NBAS: variants seen among roughly 807,000 people sequenced by gnomAD.
NBAS encodes the protein NAG/BC035112 fusion.
A neutral mutation model predicts 302.5 loss-of-function variants in NBAS; 219 were observed. That is an observed-to-expected ratio of 0.72 (90% CI 0.65 to 0.81). The LOEUF (loss-of-function observed/expected upper bound fraction) is 0.81. Ranked by LOEUF, NBAS falls within the 30% of genes least tolerant of loss-of-function variation. The pLI is 0.00. For synonymous variants in NBAS, 1,118 were observed against 1,021.6 expected, an observed-to-expected ratio of 1.09 and a Z score of -1.80; for missense variants, 2,932 against 2,841.6, an observed-to-expected ratio of 1.03 and a Z score of -0.72.
intron 28 of NBAS, among the ~76,000 whole-genome samples, chr2:15,383,555 C>T (rs1220687151): frequency 6.6e-6 from 1 of 152,142 alleles, no homozygotes; most frequent in Non-Finnish European, 1.5e-5. Context: ...ACAAAGTGGT[C>T]TGTCATAGCC....
intron 2 of NBAS, among the ~76,000 whole-genome samples, chr2:15,558,285 C>T (rs1008521559): frequency 6.6e-6 from 1 of 152,174 alleles, no homozygotes; most frequent in Non-Finnish European, 1.5e-5. Flanking sequence ...TCCTAACAGA[C>T]CACAGACTGG....
At chr2:15,389,277 T>A (rs1675472163) in intron 28 of NBAS, among the ~76,000 whole-genome samples, 1 of 152,218 alleles carries the variant, frequency 6.6e-6, no homozygotes, top group Non-Finnish European at 1.5e-5. Flanking sequence ...TGGCTCCCTT[T>A]TCTTTCCTTT....
At chr2:15,461,898 C>T (rs1679522405) in intron 19 of NBAS, 107 bp from the exon 20 acceptor site, 1 of 678,838 alleles carries the variant, frequency 1.5e-6, no homozygotes, top group African/African-American at 1.8e-5. Flanking sequence ...ATAAATAAGG[C>T]CTGAATTAAT....
the NBAS span, among the ~76,000 whole-genome samples, chr2:15,110,965 T>C: frequency 1.2e-3 from 181 of 152,246 alleles, 2 homozygotes; most frequent in Non-Finnish European, 2.1e-3. Flanking sequence ...CAATTAATAA[T>C]GCCAGTATTA....
chr2:15,037,503 A>T, the NBAS span, among the ~76,000 whole-genome samples: 1 of 152,262 alleles, frequency 6.6e-6, no homozygotes, highest in African/African-American at 2.4e-5. Context: ...AGGGGTGGAT[A>T]TATTTTATCT....
At chr2:15,345,794 G>T (rs1401141375) in intron 35 of NBAS, among the ~76,000 whole-genome samples, 1 of 152,094 alleles carries the variant, frequency 6.6e-6, no homozygotes, top group Non-Finnish European at 1.5e-5. Context: ...CATGGTCCTG[G>T]TACCAAAACA....
At chr2:14,811,565 G>A in the NBAS span, among the ~76,000 whole-genome samples, 2 of 152,184 alleles carry the variant, frequency 1.3e-5, no homozygotes, top group Non-Finnish European at 2.9e-5. Context: ...TGGCATTTAG[G>A]AGGTAGAGGT....
chr2:15,473,753 T>G (rs1039116340), intron 15 of NBAS, among the ~76,000 whole-genome samples: 1 of 152,116 alleles, frequency 6.6e-6, no homozygotes, highest in Non-Finnish European at 1.5e-5. Context: ...TCCTTCACCC[T>G]CTGTAGATGG....
intron 40 of NBAS, among the ~76,000 whole-genome samples, chr2:15,307,308 G>A (rs78749992): frequency 1.3e-5 from 2 of 152,184 alleles, no homozygotes; most frequent in East Asian, 1.9e-4. Flanking sequence ...TGAAAGGTGG[G>A]ATAGAATTGA....
intron 9 of NBAS, among the ~76,000 whole-genome samples, chr2:15,516,585 T>C (rs1483514784): frequency 6.6e-6 from 1 of 151,956 alleles, no homozygotes; most frequent in Non-Finnish European, 1.5e-5. Flanking sequence ...TATCCAGGTG[T>C]GGTGGCGTGC....
chr2:15,498,716 G>A (rs1250739466), intron 11 of NBAS, among the ~76,000 whole-genome samples: 9 of 151,702 alleles, frequency 5.9e-5, no homozygotes, highest in Non-Finnish European at 1.5e-5. Context: ...AAGATCTGAT[G>A]GTTTAAGTGT....
chr2:14,994,413 C>A, the NBAS span, among the ~76,000 whole-genome samples: 1 of 152,188 alleles, frequency 6.6e-6, no homozygotes, highest in Non-Finnish European at 1.5e-5. Context: ...ACCCTCAAAG[C>A]CCAGCAGGTG....
At chr2:15,079,447 A>G in the NBAS span, among the ~76,000 whole-genome samples, 2 of 152,134 alleles carry the variant, frequency 1.3e-5, no homozygotes, top group Admixed American at 6.5e-5. Context: ...AGCCAAGCAG[A>G]AGCCACCACT....
chr2:15,015,441 G>A, the NBAS span, among the ~76,000 whole-genome samples: 1 of 152,180 alleles, frequency 6.6e-6, no homozygotes, highest in African/African-American at 2.4e-5. Context: ...CATTCATCAT[G>A]ACCAAGTGGG....
At chr2:15,034,027 G>GT in the NBAS span, among the ~76,000 whole-genome samples, 1 of 63,794 alleles carries the variant, frequency 1.6e-5, no homozygotes, top group African/African-American at 1.1e-4. Flanking sequence ...AGAAGAAGAA[G>GT]AGGAGGAGGA....
chr2:15,379,569 T>C (rs1315800997), intron 30 of NBAS, 33 bp downstream of exon 30: 2 of 1,595,358 alleles, frequency 1.3e-6, no homozygotes. Context: ...ACTTTCCCCC[T>C]CCATCTTAGG....
chr2:15,527,570 C>T (rs1320813412), intron 9 of NBAS, among the ~76,000 whole-genome samples: 4 of 152,090 alleles, frequency 2.6e-5, no homozygotes, highest in African/African-American at 9.7e-5. Context: ...AGAAAGACAA[C>T]GCGTGGAGCC....
the NBAS span, among the ~76,000 whole-genome samples, chr2:14,912,255 T>C: frequency 6.6e-6 from 1 of 152,226 alleles, no homozygotes; most frequent in Admixed American, 6.5e-5. Flanking sequence ...TGACTGTATT[T>C]GAAAAGTGCT....
At chr2:14,819,295 T>G in the NBAS span, among the ~76,000 whole-genome samples, 1 of 152,212 alleles carries the variant, frequency 6.6e-6, no homozygotes, top group Non-Finnish European at 1.5e-5. Context: ...AATCCTACTC[T>G]GACTATAGAA....
Sources: allele counts gnomAD v4.1 joint callset (sites outside exome capture counted in the v4.1 genomes callset), GRCh38; gene constraint gnomAD v4.1.1; transcripts MANE v1.5; gene names NCBI Gene and HGNC (gene_info 2026-07-23, HGNC 2026-07-21).